CSMD1: variants seen among roughly 807,000 people sequenced by gnomAD.
The protein encoded by CSMD1 is CUB and sushi domain-containing protein 1.
Under a neutral mutation model 417.5 loss-of-function variants are expected in CSMD1, and 213 were observed. That is an observed-to-expected ratio of 0.51 (90% confidence interval 0.46 to 0.57). CSMD1 has a LOEUF of 0.57. CSMD1 is among the 20% of genes least tolerant of loss of function. The probability of loss-of-function intolerance (pLI) is 0.00; values close to 1 mark genes in which losing one functional copy is unlikely to be tolerated. For synonymous variants in CSMD1, 2,862 were observed against 1,736.8 expected (o/e 1.65, Z -16.11); for missense variants, 6,923 against 4,529.7 (o/e 1.53, Z -15.17).
chr8:3,309,867 T>C (rs1003335054), intron 23 of CSMD1, among the ~76,000 whole-genome samples: 1 of 152,188 alleles, frequency 6.6e-6, no homozygotes, highest in South Asian at 2.1e-4. Flanking sequence ...TGCAGCTTTG[T>C]ATAGGAGAAA....
intron 63 of CSMD1, 54 bp from the exon 64 acceptor site, chr8:2,955,822 G>A (rs1014072593): frequency 7.2e-6 from 11 of 1,521,536 alleles, no homozygotes; most frequent in South Asian, 1.2e-5. Context: ...GTTAGCACAT[G>A]TGTCTAGAGA....
rs539949501 is a variant in CSMD1 at position 3,932,327 on chromosome 8, A to G, written c.818+65576T>C. Reference sequence around the variant, plus strand: ...TTAAACATGTGCTCATGGTCTTTAAACTTTCCCCATTTATTCTGCGACTAG... The same window carrying G: ...TTAAACATGTGCTCATGGTCTTTAAGCTTTCCCCATTTATTCTGCGACTAG... On this transcript the variant is annotated intron_variant, in intron 5 of 69. Coordinates refer to ENST00000635120, the MANE Select transcript of CSMD1 (RefSeq NM_033225.6). 5.0e-4 allele frequency among the ~76,000 whole-genome samples: 75 copies of G among 150,662 alleles called. 4 individuals are homozygous for G. Among genetic ancestry groups the G allele is most frequent in the African/African-American group, 1.8e-3 (74 of 40,934 alleles).
chr8:4,004,295 G>T (rs1203835763), intron 4 of CSMD1, among the ~76,000 whole-genome samples: 3 of 151,952 alleles, frequency 2.0e-5, no homozygotes, highest in East Asian at 1.9e-4. Flanking sequence ...ATGAAACTTG[G>T]GAATTCTTAA....
intron 3 of CSMD1, among the ~76,000 whole-genome samples, chr8:4,350,410 C>G (rs1488395117): frequency 6.6e-6 from 1 of 152,172 alleles, no homozygotes; most frequent in Non-Finnish European, 1.5e-5. Context: ...ATGATATGCT[C>G]TGATTTACTA....
At chr8:3,904,760 C>T (rs1688617013) in intron 5 of CSMD1, among the ~76,000 whole-genome samples, 1 of 151,802 alleles carries the variant, frequency 6.6e-6, no homozygotes, top group South Asian at 2.1e-4. Flanking sequence ...CCTCAGCCTC[C>T]CAAGTAGCTG....
At chr8:4,448,872 T>C (rs991596862) in intron 2 of CSMD1, among the ~76,000 whole-genome samples, 1 of 152,208 alleles carries the variant, frequency 6.6e-6, no homozygotes, top group African/African-American at 2.4e-5. Flanking sequence ...TCCAATTCTC[T>C]TATTCACCAA....
In CSMD1 at chr8:3,227,106, G is replaced by C. The variant is rs149199131; in HGVS notation, c.4345+2934C>G. Among the ~76,000 whole-genome samples, 308 of 152,136 alleles carry C rather than the reference G, an allele frequency of 2.0e-3. 3 individuals carry two copies. The highest frequency in any genetic ancestry group is 7.1e-3 in the African/African-American group (296 of 41,536). ...AAATCGGTGTGACTGCTCTGAAAGA[G>C]ATTTTAAAAATGGGCTGGACACGAT... On this transcript the variant is annotated intron_variant, in intron 27 of 69. Coordinates refer to ENST00000635120, the MANE Select transcript of CSMD1 (RefSeq NM_033225.6).
At chr8:4,680,063 T>C (rs1805941803) in intron 1 of CSMD1, among the ~76,000 whole-genome samples, 1 of 152,188 alleles carries the variant, frequency 6.6e-6, no homozygotes, top group African/African-American at 2.4e-5. Flanking sequence ...AATAAAACAA[T>C]ATGACATTAA....
At chr8:3,966,504 G>A (rs111926962) in intron 5 of CSMD1, among the ~76,000 whole-genome samples, 1 of 152,210 alleles carries the variant, frequency 6.6e-6, no homozygotes, top group East Asian at 1.9e-4. Flanking sequence ...AGAAACAGGA[G>A]AATCAGTTCC....
At chr8:4,474,452 T>C (rs993772184) in intron 2 of CSMD1, among the ~76,000 whole-genome samples, 1 of 152,136 alleles carries the variant, frequency 6.6e-6, no homozygotes, top group Non-Finnish European at 1.5e-5. Flanking sequence ...TTCTGTAGAA[T>C]GGAGAGAGAC....
intron 23 of CSMD1, among the ~76,000 whole-genome samples, chr8:3,328,307 G>A (rs1806668175): frequency 2.0e-5 from 3 of 152,148 alleles, no homozygotes; most frequent in Admixed American, 1.3e-4. Flanking sequence ...TCTCACTGGA[G>A]CTCTGCCTGC....
intron 1 of CSMD1, among the ~76,000 whole-genome samples, chr8:4,651,398 G>T (rs1344125644): frequency 6.6e-6 from 1 of 152,082 alleles, no homozygotes; most frequent in Non-Finnish European, 1.5e-5. Flanking sequence ...CTGCTGTGCT[G>T]TTTCTCGGGT....
intron 3 of CSMD1, among the ~76,000 whole-genome samples, chr8:4,401,760 G>A (rs978068429): frequency 6.6e-6 from 1 of 151,936 alleles, no homozygotes; most frequent in Non-Finnish European, 1.5e-5. Context: ...CCCCTCTCTT[G>A]AACATAGTCC....
chr8:3,255,481 G>T (rs952254604), intron 26 of CSMD1, among the ~76,000 whole-genome samples: 1 of 152,210 alleles, frequency 6.6e-6, no homozygotes, highest in African/African-American at 2.4e-5. Flanking sequence ...GCCTACAGAG[G>T]CAGGCAGGCC....
At chr8:4,264,448 G>A (rs1035022519) in intron 3 of CSMD1, among the ~76,000 whole-genome samples, 2 of 152,090 alleles carry the variant, frequency 1.3e-5, no homozygotes, top group Non-Finnish European at 2.9e-5. Context: ...CAAATTACTG[G>A]TACACAAATT....
At chr8:3,082,399 C>A (rs753642767) in intron 49 of CSMD1, among the ~76,000 whole-genome samples, 5 of 152,184 alleles carry the variant, frequency 3.3e-5, no homozygotes, top group Non-Finnish European at 7.3e-5. Context: ...TCGTCCTCCA[C>A]CATGTCCCCT....
chr8:4,572,325 C>T (rs115875825), intron 2 of CSMD1, among the ~76,000 whole-genome samples: 3 of 152,164 alleles, frequency 2.0e-5, no homozygotes, highest in Non-Finnish European at 4.4e-5. Flanking sequence ...GTGACAAAAT[C>T]CCCCAGAATT....
At chr8:4,710,279 T>G (rs973928620) in intron 1 of CSMD1, among the ~76,000 whole-genome samples, 1 of 151,710 alleles carries the variant, frequency 6.6e-6, no homozygotes, top group African/African-American at 2.4e-5. Flanking sequence ...TACATTTGCA[T>G]GTTAAATATA....
chr8:4,083,378 T>G (rs1270850228), intron 3 of CSMD1, among the ~76,000 whole-genome samples: 1 of 152,168 alleles, frequency 6.6e-6, no homozygotes, highest in Admixed American at 6.5e-5. Context: ...ATGGTGAGCA[T>G]TTTTTCATGT....
Sources: allele counts gnomAD v4.1 joint callset (sites outside exome capture counted in the v4.1 genomes callset), GRCh38; gene constraint gnomAD v4.1.1; transcripts MANE v1.5; gene names NCBI Gene and HGNC (gene_info 2026-07-23, HGNC 2026-07-21).